MTSS1: variants seen among roughly 807,000 people sequenced by gnomAD.
MTSS1 encodes protein MTSS 1.
A neutral mutation model predicts 79.0 loss-of-function variants in MTSS1; 18 were observed. The observed-to-expected ratio is 0.23, with a 90% confidence interval of 0.16 to 0.34. The LOEUF (loss-of-function observed/expected upper bound fraction) is 0.34. Ranked by LOEUF, MTSS1 falls within the 10% of genes least tolerant of loss-of-function variation. The pLI is 1.00. For synonymous variants in MTSS1, 341 were observed against 368.6 expected, an observed-to-expected ratio of 0.93 and a Z score of 0.86; for missense variants, 815 against 986.2, an observed-to-expected ratio of 0.83 and a Z score of 2.33.
intron 3 of MTSS1, among the ~76,000 whole-genome samples, chr8:124,610,583 T>C (rs529646941): frequency 1.3e-5 from 2 of 152,340 alleles, no homozygotes; most frequent in South Asian, 2.1e-4. Flanking sequence ...AGGGGTAACC[T>C]AGTTTCACAT....
intron 3 of MTSS1, among the ~76,000 whole-genome samples, chr8:124,662,717 G>A (rs1351569554): frequency 1.3e-5 from 2 of 151,980 alleles, no homozygotes; most frequent in African/African-American, 4.8e-5. Context: ...ATTGGGGGAG[G>A]GGGTGGGAGA....
Position 124,562,941 on chromosome 8 carries a change from C to T in MTSS1, c.876G>A (p.Ser292=), listed in dbSNP as rs149620967. The part of the protein sequence containing the change: ...SSDSRSSGSH[S]HSPSSHYRYR... The stretch of plus-strand genomic sequence containing the variant: ...AGCGGTAATGTGAGCTGGGGGAATG[C>T]GAGTGGGAGCCGCTGGACCGGGAGT... The change falls in exon 10 of 14, where the codon TCG becomes TCA. Residue 292 remains serine, a synonymous_variant. Coordinates refer to ENST00000518547, the MANE Select transcript of MTSS1 (RefSeq NM_014751.6). The T allele has an allele frequency of 1.8e-5, 29 of 1,612,922 alleles. No individual in the cohort carries two copies. The highest frequency in any genetic ancestry group is 1.7e-4 in the Middle Eastern group (1 of 5,940).
At position 124,683,315 on chromosome 8, in the gene MTSS1, T is replaced by C. The variant is rs1352237998; in HGVS notation, c.208+16211A>G. ...GACCCCAAAATCCTCATTCAAGGAA[T>C]TGTGAACAGAAACAAAGTCTTACAA... On this transcript the variant is annotated intron_variant, in intron 3 of 13. Transcript: ENST00000518547. This position sits in a 1 kb window ranked among gnomAD's most constrained non-coding sequence, Gnocchi z 4.5. Among the ~76,000 whole-genome samples the C allele has an allele frequency of 6.6e-6, 1 of 152,198 alleles. No homozygotes were observed. Among genetic ancestry groups the C allele is most frequent in the Non-Finnish European group, 1.5e-5 (1 of 68,036 alleles).
Position 124,700,796 on chromosome 8 carries a change from GA to G in MTSS1, c.135-1198del, listed in dbSNP as rs1319080372. ...ACAAGCCCCAGAACTAGAATTCAAG[GA>G]CTTTACAATCAAACTTGTAACTAAG... On this transcript the variant is annotated intron_variant, in intron 2 of 13. Transcript: ENST00000518547. Among the ~76,000 whole-genome samples, 15 of 152,250 alleles carry G rather than the reference GA, an allele frequency of 9.9e-5. No homozygotes were observed. The East Asian group carries it at 2.7e-3, about 27-fold the overall frequency.
At chr8:124,652,098 T>C (rs1820068165) in intron 3 of MTSS1, among the ~76,000 whole-genome samples, 1 of 152,262 alleles carries the variant, frequency 6.6e-6, no homozygotes, top group Non-Finnish European at 1.5e-5. Context: ...CCCTGTTTAG[T>C]AAGAATCATA....
At chr8:124,690,851 TA>T (rs1827823560) in intron 3 of MTSS1, among the ~76,000 whole-genome samples, 1 of 152,168 alleles carries the variant, frequency 6.6e-6, no homozygotes, top group Non-Finnish European at 1.5e-5. Flanking sequence ...AAAAACAAGG[TA>T]TTTTTTTAAA....
At position 124,597,806 on chromosome 8, in the gene MTSS1, G is replaced by A. The variant is rs979426967; in HGVS notation, c.209-6571C>T. 5.9e-5 allele frequency among the ~76,000 whole-genome samples: 9 copies of A among 152,304 alleles called. No individual in the cohort carries two copies. The highest frequency in any genetic ancestry group is 2.1e-4 in the South Asian group (1 of 4,826). The stretch of plus-strand genomic sequence containing the variant: ...GTCACTGTGCATCTCTGCTGTTCCC[G>A]AGAGCTGACATTGCTCGAAGGCTAA... On this transcript the variant is annotated intron_variant, in intron 3 of 13. Transcript: ENST00000518547. The surrounding 1 kb of genome is among the most constrained non-coding windows in gnomAD (Gnocchi z 4.6).
intron 3 of MTSS1, among the ~76,000 whole-genome samples, chr8:124,595,019 C>T (rs944745355): frequency 6.6e-6 from 1 of 152,004 alleles, no homozygotes; most frequent in African/African-American, 2.4e-5. Flanking sequence ...AAGACAAGGC[C>T]CTACTTCTGT....
At chr8:124,611,832 G>A (rs1031493822) in intron 3 of MTSS1, among the ~76,000 whole-genome samples, 17 of 149,606 alleles carry the variant, frequency 1.1e-4, no homozygotes, top group Admixed American at 6.0e-4. Flanking sequence ...TTTGCATGAC[G>A]TAAAATGATC....
intron 3 of MTSS1, among the ~76,000 whole-genome samples, chr8:124,644,958 G>A (rs112773160): frequency 4.6e-5 from 7 of 152,290 alleles, no homozygotes; most frequent in African/African-American, 9.6e-5. Context: ...AGCCATAAAC[G>A]TTTACTGGGG....
At chr8:124,699,375 A>C in intron 3 of MTSS1, 151 bp downstream of exon 3, 1 of 644,688 alleles carries the variant, frequency 1.6e-6, no homozygotes, top group Non-Finnish European at 2.7e-6. Context: ...AACTTCTAAT[A>C]TGTGGAATCC....
intron 1 of MTSS1, among the ~76,000 whole-genome samples, chr8:124,725,036 G>A (rs533529132): frequency 1.6e-3 from 243 of 152,222 alleles, no homozygotes; most frequent in African/African-American, 5.7e-3. Flanking sequence ...GCACAACACC[G>A]TTCATTAGCG....
intron 3 of MTSS1, among the ~76,000 whole-genome samples, chr8:124,665,603 C>T (rs1017916913): frequency 6.6e-6 from 1 of 152,014 alleles, no homozygotes; most frequent in Non-Finnish European, 1.5e-5. Flanking sequence ...CACAGTGGCT[C>T]ATGCCTGTAA....
At chr8:124,633,390 G>A (rs58859974) in intron 3 of MTSS1, among the ~76,000 whole-genome samples, 4,268 of 152,268 alleles carry the variant, frequency 0.028, 173 homozygotes, top group African/African-American at 0.097. Context: ...ATAGTATTGA[G>A]TGGCTTTGTC....
chr8:124,718,020 A>C (rs1161548208), intron 1 of MTSS1, among the ~76,000 whole-genome samples: 1 of 152,262 alleles, frequency 6.6e-6, no homozygotes. Flanking sequence ...CGGAAAGGCA[A>C]GGACGCCAGG....
Position 124,591,169 on chromosome 8 carries a change from T to A in MTSS1, c.275A>T (p.Lys92Met). The A allele has an allele frequency of 6.2e-7, 1 of 1,614,226 alleles. No homozygotes were observed. Among genetic ancestry groups the A allele is most frequent in the Non-Finnish European group, 8.5e-7 (1 of 1,180,034 alleles). The change falls in exon 4 of 14, where the codon AAG (lysine) becomes ATG (methionine). Residue 92 changes from lysine to methionine, a missense_variant. By Grantham distance (95) the Lys-to-Met change is moderately conservative. Around this residue, in one of 2 missense-constraint regions of MTSS1, gnomAD observed 225 missense variants for 365.4 expected, o/e 0.62. Coordinates refer to ENST00000518547, the MANE Select transcript of MTSS1 (RefSeq NM_014751.6). ...TCCTCACCTCGAAAACTGCCTCAGCTTGGCTTCAATGCTTCTGTGCCTCAT... is the reference window on the plus strand; with the variant it reads ...TCCTCACCTCGAAAACTGCCTCAGCATGGCTTCAATGCTTCTGTGCCTCAT... ...MCMRHRSIEA[K>M]LRQFSSALID...
intron 10 of MTSS1, among the ~76,000 whole-genome samples, chr8:124,560,658 A>C (rs1353174111): frequency 6.6e-6 from 1 of 152,202 alleles, no homozygotes; most frequent in African/African-American, 2.4e-5. Context: ...CTCAAAAAAA[A>C]CGAACAAAAA....
At chr8:124,652,466 G>A (rs1820143744) in intron 3 of MTSS1, among the ~76,000 whole-genome samples, 1 of 152,090 alleles carries the variant, frequency 6.6e-6, no homozygotes, top group African/African-American at 2.4e-5. Flanking sequence ...ATGCCCAGCC[G>A]AGGAATGTCT....
chr8:124,669,375 G>A (rs1823710513), intron 3 of MTSS1, among the ~76,000 whole-genome samples: 1 of 152,198 alleles, frequency 6.6e-6, no homozygotes, highest in South Asian at 2.1e-4. Flanking sequence ...CCTACTGTTT[G>A]CACAAACTGA....
Sources: allele counts gnomAD v4.1 joint callset (sites outside exome capture counted in the v4.1 genomes callset), GRCh38; gene constraint gnomAD v4.1.1; regional missense constraint gnomAD v4.1.1; non-coding constraint Gnocchi (gnomAD v3.1); transcripts MANE v1.5; gene names NCBI Gene and HGNC (gene_info 2026-07-23, HGNC 2026-07-21).